Variants in TRRAP observed in about 807,000 individuals in gnomAD.
TRRAP encodes the protein transformation/transcription domain associated protein.
TRRAP carries 41 observed loss-of-function variants against 438.8 expected under a neutral mutation model. That is an observed-to-expected ratio of 0.09 (90% CI 0.07 to 0.12). TRRAP has a LOEUF of 0.12. TRRAP is among the 10% of genes least tolerant of loss of function. The pLI is 1.00. For missense variants in TRRAP, 3,122 were observed against 5,055.1 expected, an observed-to-expected ratio of 0.62 and a Z score of 11.60; for synonymous variants, 1,994 against 1,962.9, an observed-to-expected ratio of 1.02 and a Z score of -0.42.
intron 57 of TRRAP, 67 bp downstream of exon 57, chr7:98,978,390 CT>C: frequency 2.1e-6 from 3 of 1,417,230 alleles, no homozygotes; most frequent in Non-Finnish European, 2.9e-6. Flanking sequence ...AATCTCTGAC[CT>C]TTTCTTGTAA....
At chr7:98,941,567 G>C (rs1363589528) in intron 30 of TRRAP, among the ~76,000 whole-genome samples, 1 of 152,156 alleles carries the variant, frequency 6.6e-6, no homozygotes, top group Admixed American at 6.5e-5. Context: ...AAAGAATGGT[G>C]ATGTGGCTGG....
chr7:99,009,063 G>A (rs1794319175), intron 70 of TRRAP, among the ~76,000 whole-genome samples: 1 of 152,200 alleles, frequency 6.6e-6, no homozygotes, highest in East Asian at 1.9e-4. Context: ...TGTTTCGGTT[G>A]CCTGAGCCCG....
intron 8 of TRRAP, 82 bp downstream of exon 8, chr7:98,897,948 A>G: frequency 6.3e-7 from 1 of 1,590,390 alleles, no homozygotes; most frequent in Non-Finnish European, 8.6e-7. Flanking sequence ...TTTTTCTCTT[A>G]AATACTTGGA....
intron 67 of TRRAP, 79 bp from the exon 68 acceptor site, chr7:99,004,111 G>C (rs1428699927): frequency 7.6e-7 from 1 of 1,308,402 alleles, no homozygotes; most frequent in Non-Finnish European, 1.1e-6. Flanking sequence ...GTAGCTGGTA[G>C]GGGCTTGAGC....
In TRRAP at chr7:98,927,263, C is replaced by T. The variant is rs782364391; in HGVS notation, c.3072C>T (p.Gly1024=). 34 of 1,614,100 alleles carry T rather than the reference C, an allele frequency of 2.1e-5. No homozygotes were observed. In the Admixed American group the frequency reaches 2.8e-4, roughly 13 times the overall value. The change falls in exon 23 of 73, where the codon GGC becomes GGT. Residue 1024 remains glycine (G), a synonymous_variant. Coordinates refer to ENST00000456197, the MANE Select transcript of TRRAP (RefSeq NM_001375524.1). ...ARKTFEQALT[G]AFMSAVIKDL... ...AGACTTTTGAGCAGGCCCTGACAGG[C>T]GCCTTCATGTCTGCTGTCATTAAGG...
chr7:98,982,677 A>T (rs1792985717), intron 59 of TRRAP, among the ~76,000 whole-genome samples: 1 of 152,152 alleles, frequency 6.6e-6, no homozygotes, highest in East Asian at 1.9e-4. Flanking sequence ...TCCAGGTGAG[A>T]AGGTGGTATC....
chr7:99,002,122 C>T (rs1463996760), intron 67 of TRRAP, among the ~76,000 whole-genome samples: 5 of 5,176 alleles, frequency 9.7e-4, no homozygotes, highest in South Asian at 8.0e-3. Flanking sequence ...AGGGGAGAGG[C>T]GGGGGGGTGG....
intron 12 of TRRAP, among the ~76,000 whole-genome samples, chr7:98,903,770 G>A (rs1796580711): frequency 6.6e-6 from 1 of 152,192 alleles, no homozygotes; most frequent in Non-Finnish European, 1.5e-5. Flanking sequence ...TGGACTTACA[G>A]TTCCACGTGG....
At chr7:98,905,689 C>A (rs1554407419) in intron 12 of TRRAP, among the ~76,000 whole-genome samples, 2 of 152,194 alleles carry the variant, frequency 1.3e-5, no homozygotes, top group African/African-American at 4.8e-5. Flanking sequence ...AGAACCGTAA[C>A]CTGGGACTCA....
chr7:99,005,438 A>G lies in TRRAP; in HGVS notation c.10753+90A>G, dbSNP rs756482153. 69 of 1,279,126 alleles carry G rather than the reference A, an allele frequency of 5.4e-5. No individual in the cohort carries two copies. The highest frequency in any genetic ancestry group is 7.4e-5 in the Non-Finnish European group (66 of 887,660). 79.2% of individuals were successfully genotyped at this position (1,279,126 alleles called of 1,614,324 possible). A position where few individuals can be genotyped will look rare whatever the true frequency, so the allele number is the denominator to read the frequency against. On this transcript the variant is annotated intron_variant, in intron 69 of 72. Coordinates refer to ENST00000456197, the MANE Select transcript of TRRAP (RefSeq NM_001375524.1). This position sits in a 1 kb window ranked among gnomAD's most constrained non-coding sequence, Gnocchi z 5.1. ...ACCTCGTGGGGTGCACAGGCAGCTC[A>G]CGTTAGCCTTTGAGGGTCCAGCTGC...
At chr7:98,946,022 T>A in intron 33 of TRRAP, 72 bp downstream of exon 33, 1 of 1,358,462 alleles carries the variant, frequency 7.4e-7, no homozygotes, top group Non-Finnish European at 9.5e-7. Flanking sequence ...GTTAGCTGTG[T>A]CGTGGTTCTG....
At chr7:98,999,355 A>G in intron 67 of TRRAP, 2 of 1,410,872 alleles carry the variant, frequency 1.4e-6, no homozygotes, top group Non-Finnish European at 2.0e-6. Context: ...CTTGACAGTG[A>G]TTCCACATCC....
Position 98,908,668 on chromosome 7 carries a change from G to A in TRRAP, c.1116-60G>A. ...GGGGCAGATGGTGATATCCTTGGTGGCCTGCTGCAGCAGGCATGGCCACGT... is the reference window on the plus strand; with the variant it reads ...GGGGCAGATGGTGATATCCTTGGTGACCTGCTGCAGCAGGCATGGCCACGT... On this transcript the variant is annotated intron_variant, in intron 13 of 72. Transcript: ENST00000456197. This position sits in a 1 kb window ranked among gnomAD's most constrained non-coding sequence, Gnocchi z 4.1. 6.8e-7 allele frequency: 1 copy of A among 1,474,720 alleles called. No individual in the cohort carries two copies. Among genetic ancestry groups the A allele is most frequent in the Non-Finnish European group, 9.1e-7 (1 of 1,092,952 alleles). The allele number at this position is 1,474,720 out of a possible 1,614,324, so 91.4% of individuals were successfully genotyped here.
intron 3 of TRRAP, among the ~76,000 whole-genome samples, chr7:98,888,501 C>T (rs1265924820): frequency 4.6e-5 from 7 of 152,208 alleles, no homozygotes; most frequent in Non-Finnish European, 5.9e-5. Context: ...CACGCCATTG[C>T]ACTCCAGCCT....
At chr7:98,995,867 G>A (rs538855562) in intron 67 of TRRAP, among the ~76,000 whole-genome samples, 9 of 132,674 alleles carry the variant, frequency 6.8e-5, no homozygotes, top group South Asian at 2.2e-4. Flanking sequence ...ATTTACACAC[G>A]CATGTCCCAT....
intron 25 of TRRAP, 101 bp from the exon 26 acceptor site, chr7:98,931,304 G>A: frequency 6.6e-7 from 1 of 1,517,530 alleles, no homozygotes; most frequent in South Asian, 1.3e-5. Context: ...GAAGGGCATG[G>A]ACCCCAGTGA....
intron 3 of TRRAP, among the ~76,000 whole-genome samples, chr7:98,889,555 TAAAA>T (rs11364826): frequency 3.0e-5 from 4 of 135,312 alleles, no homozygotes; most frequent in African/African-American, 6.4e-5. Context: ...TTTTTTTTTT[TAAAA>T]AAAATAGAGA....
At position 99,012,202 on chromosome 7, in the gene TRRAP, C is replaced by G; in HGVS notation, c.11469C>G (p.Ser3823=). 6.2e-7 allele frequency: 1 copy of G among 1,614,166 alleles called. No individual in the cohort carries two copies. The highest frequency in any genetic ancestry group is 1.3e-5 in the African/African-American group (1 of 75,046). ...PENMDSQQLV[S]LVQKAVTAIM... is the part of the protein sequence containing the mutation. ...ACATGGACAGCCAGCAACTGGTGTC[C>G]CTGGTTCAGAAAGCCGTCACCGCCA... Residue 3823 remains serine (S), a synonymous_variant, in exon 73 of 73, where the codon TCC becomes TCG. Transcript: ENST00000456197. The surrounding 1 kb of genome is among the most constrained non-coding windows in gnomAD (Gnocchi z 5.9).
In TRRAP at chr7:99,005,076, C is replaced by T. The variant is rs947860089; in HGVS notation, c.10536-55C>T. ...GGACATTCCTAGCTTCTTCTCAAGA[C>T]AAGGACTGGTAGCAGAGATGCAGGG... On this transcript the variant is annotated intron_variant, in intron 68 of 72. Transcript: ENST00000456197. The surrounding 1 kb of genome is among the most constrained non-coding windows in gnomAD (Gnocchi z 5.1). 12 of 1,567,554 alleles carry T rather than the reference C, an allele frequency of 7.7e-6. No individual in the cohort carries two copies. Among genetic ancestry groups the T allele is most frequent in the Non-Finnish European group, 1.1e-5 (12 of 1,142,186 alleles).
Sources: gnomAD v4.1 joint callset for allele counts (sites outside exome capture counted in the v4.1 genomes callset) on GRCh38, gnomAD v4.1.1 for gene constraint, Gnocchi (gnomAD v3.1) non-coding constraint, MANE v1.5 for transcripts, NCBI Gene and HGNC (gene_info 2026-07-23, HGNC 2026-07-21) for gene names.